Variants in FBXL7 observed in about 807,000 individuals in gnomAD.
FBXL7 encodes the protein F-box/LRR-repeat protein 7.
Under a neutral mutation model 38.3 loss-of-function variants are expected in FBXL7, and 12 were observed. The observed-to-expected ratio is 0.31, with a 90% CI of 0.20 to 0.51. FBXL7 has a LOEUF of 0.51. FBXL7 is among the 20% of genes least tolerant of loss of function. The pLI, the probability that FBXL7 is intolerant of heterozygous loss-of-function variation, is 0.98. For missense variants in FBXL7, 567 were observed against 676.4 expected (o/e 0.84, Z 1.79); for synonymous variants, 297 against 300.9 (o/e 0.99, Z 0.13).
Position 15,613,869 on chromosome 5 carries a change from AG to A in FBXL7, c.38-2113del, listed in dbSNP as rs1347038879. ...TTTCTCACAGTTCTGGAGACCGACA[AG>A]TCAAAGATCAAGGTGCCAGCAGATT... On this transcript the variant is annotated intron_variant, in intron 1 of 3. Transcript: ENST00000504595. Among the ~76,000 whole-genome samples, 7 of 152,332 alleles carry A rather than the reference AG, an allele frequency of 4.6e-5. No individual in the cohort carries two copies. In the South Asian group the frequency reaches 1.5e-3, roughly 32 times the overall value.
At chr5:15,614,908 C>A (rs1740394908) in intron 1 of FBXL7, among the ~76,000 whole-genome samples, 1 of 152,134 alleles carries the variant, frequency 6.6e-6, no homozygotes, top group African/African-American at 2.4e-5. Flanking sequence ...CAGGCCCACC[C>A]AGAATAATAT....
chr5:15,641,530 T>A (rs1269804709), intron 2 of FBXL7, among the ~76,000 whole-genome samples: 1 of 151,804 alleles, frequency 6.6e-6, no homozygotes, highest in Non-Finnish European at 1.5e-5. Flanking sequence ...TGGCAGTGAT[T>A]AATATTATGT....
intron 2 of FBXL7, among the ~76,000 whole-genome samples, chr5:15,720,254 T>G (rs1744157847): frequency 6.7e-6 from 1 of 148,956 alleles, no homozygotes; most frequent in South Asian, 2.2e-4. Context: ...GACATTTTCC[T>G]TGCAGTCTTC....
intron 2 of FBXL7, among the ~76,000 whole-genome samples, chr5:15,878,219 G>A (rs1389272106): frequency 2.0e-5 from 3 of 152,184 alleles, no homozygotes; most frequent in Non-Finnish European, 4.4e-5. Flanking sequence ...CGGGGAGTCA[G>A]GGATTATAGA....
At chr5:15,735,372 AGG>A (rs1337210868) in intron 2 of FBXL7, among the ~76,000 whole-genome samples, 3 of 152,216 alleles carry the variant, frequency 2.0e-5, no homozygotes, top group Non-Finnish European at 4.4e-5. Flanking sequence ...TGAAATGGAA[AGG>A]GCTGTTGAGG....
intron 2 of FBXL7, among the ~76,000 whole-genome samples, chr5:15,700,177 T>C (rs1317839262): frequency 6.6e-6 from 1 of 152,220 alleles, no homozygotes; most frequent in Non-Finnish European, 1.5e-5. Context: ...CTCTCATTAA[T>C]AGAGACAAAG....
chr5:15,820,913 G>A (rs1482242750), intron 2 of FBXL7, among the ~76,000 whole-genome samples: 2 of 152,124 alleles, frequency 1.3e-5, no homozygotes, highest in Non-Finnish European at 2.9e-5. Context: ...GTCATCTAAA[G>A]AGCTTTTAGA....
chr5:15,878,249 A>G (rs1241960854), intron 2 of FBXL7, among the ~76,000 whole-genome samples: 3 of 152,238 alleles, frequency 2.0e-5, no homozygotes, highest in Non-Finnish European at 4.4e-5. Flanking sequence ...TTACTTCTAC[A>G]GTAGCTATAA....
intron 1 of FBXL7, among the ~76,000 whole-genome samples, chr5:15,609,873 A>G (rs1187265845): frequency 1.3e-5 from 2 of 152,200 alleles, no homozygotes; most frequent in East Asian, 3.9e-4. Flanking sequence ...TGCTCTCTGT[A>G]TTAGTCTGTT....
intron 2 of FBXL7, among the ~76,000 whole-genome samples, chr5:15,897,673 A>G (rs983904390): frequency 5.9e-5 from 9 of 152,190 alleles, no homozygotes; most frequent in African/African-American, 9.7e-5. Context: ...GCTCCCGGAA[A>G]TAGGGAATAG....
intron 2 of FBXL7, among the ~76,000 whole-genome samples, chr5:15,700,649 C>A (rs1205558050): frequency 1.3e-5 from 2 of 152,144 alleles, no homozygotes; most frequent in African/African-American, 4.8e-5. Context: ...CACTGAGTTG[C>A]AGATAGAGTG....
intron 2 of FBXL7, among the ~76,000 whole-genome samples, chr5:15,631,777 G>A (rs1179518983): frequency 6.6e-6 from 1 of 151,416 alleles, no homozygotes; most frequent in East Asian, 1.9e-4. Context: ...ATTTAGGGTG[G>A]GATAAAAAAT....
intron 2 of FBXL7, 124 bp from the exon 3 acceptor site, chr5:15,927,764 TAA>T (rs753935096): frequency 0.016 from 7,069 of 452,562 alleles, no homozygotes; most frequent in East Asian, 0.054. Flanking sequence ...GACAAGATCT[TAA>T]AAAAAAAAAA....
chr5:15,807,085 G>A (rs1029438597), intron 2 of FBXL7, among the ~76,000 whole-genome samples: 4 of 152,052 alleles, frequency 2.6e-5, no homozygotes, highest in Non-Finnish European at 5.9e-5. Context: ...CCAAGTAGCT[G>A]AGATTACAGA....
intron 1 of FBXL7, among the ~76,000 whole-genome samples, chr5:15,538,746 T>G (rs1737656700): frequency 6.6e-6 from 1 of 152,192 alleles, no homozygotes; most frequent in Non-Finnish European, 1.5e-5. Context: ...CTCAGGCCTG[T>G]GTGCACTTGG....
At chr5:15,888,077 T>C (rs1740750348) in intron 2 of FBXL7, among the ~76,000 whole-genome samples, 1 of 152,216 alleles carries the variant, frequency 6.6e-6, no homozygotes, top group Non-Finnish European at 1.5e-5. Flanking sequence ...TTAAAGGAGA[T>C]AAGTGCTTTT....
chr5:15,784,093 C>T (rs755181250), intron 2 of FBXL7, among the ~76,000 whole-genome samples: 1 of 152,146 alleles, frequency 6.6e-6, no homozygotes, highest in Non-Finnish European at 1.5e-5. Flanking sequence ...TGGCCACATT[C>T]TCTGTCTCTC....
At chr5:15,740,332 G>A (rs193078355) in intron 2 of FBXL7, among the ~76,000 whole-genome samples, 6 of 152,248 alleles carry the variant, frequency 3.9e-5, no homozygotes, top group African/African-American at 1.4e-4. Flanking sequence ...GCAAGTTATG[G>A]ATGGTGGGGT....
intron 2 of FBXL7, among the ~76,000 whole-genome samples, chr5:15,776,671 C>T (rs759973995): frequency 1.6e-4 from 24 of 152,056 alleles, no homozygotes; most frequent in Non-Finnish European, 3.4e-4. Context: ...TATAATTTCT[C>T]GCATATGTTT....
Sources: gnomAD v4.1 joint callset for allele counts (sites outside exome capture counted in the v4.1 genomes callset) on GRCh38, gnomAD v4.1.1 for gene constraint, MANE v1.5 for transcripts, NCBI Gene and HGNC (gene_info 2026-07-23, HGNC 2026-07-21) for gene names.